Variants in ROPN1L observed in about 807,000 individuals in gnomAD.
ROPN1L encodes the protein rhophilin associated tail protein 1 like.
ROPN1L carries 23 observed loss-of-function variants against 22.7 expected under a neutral mutation model. That is an observed-to-expected ratio of 1.01 (90% confidence interval 0.73 to 1.43). The LOEUF is 1.43. ROPN1L is among the 40% of genes most tolerant of loss of function. The pLI, the probability that ROPN1L is intolerant of heterozygous loss-of-function variation, is 0.00. For synonymous variants in ROPN1L, 116 were observed against 117.8 expected (o/e 0.98, Z 0.10); for missense variants, 271 against 291.5 (o/e 0.93, Z 0.51).
chr5:10,452,291 GTGTGTGTGTGTGTGTGTGTGTGTC>G (rs1270437007), intron 3 of ROPN1L, among the ~76,000 whole-genome samples: 97 of 135,854 alleles, frequency 7.1e-4, no homozygotes, highest in Non-Finnish European at 1.2e-3. Flanking sequence ...AAGTATATGT[GTGTGTGTGTGTGTGTGTGTGTGTC>G]TGTGTGTGTG....
At chr5:10,452,240 G>A (rs1278940804) in intron 3 of ROPN1L, among the ~76,000 whole-genome samples, 2 of 151,030 alleles carry the variant, frequency 1.3e-5, no homozygotes, top group Non-Finnish European at 2.9e-5. Flanking sequence ...CTCAGGTTCT[G>A]GGATTATAGA....
intron 4 of ROPN1L, among the ~76,000 whole-genome samples, chr5:10,470,657 G>A (rs191185163): frequency 6.6e-6 from 1 of 152,322 alleles, no homozygotes; most frequent in East Asian, 1.9e-4. Flanking sequence ...GAGCCAGTTG[G>A]CCTGGGATAT....
At chr5:10,469,882 A>G (rs935845596), downstream of ROPN1L, among the ~76,000 whole-genome samples, 3 of 152,240 alleles carry the variant, frequency 2.0e-5, no homozygotes, top group Non-Finnish European at 4.4e-5. Context: ...GGCAGGGCCA[A>G]TGATTTGCTT....
In ROPN1L at chr5:10,464,966, T is replaced by C. The variant is rs1456666196; in HGVS notation, c.*19T>C. ...CCATTAATACAGAGAAGAATACATTTTAATGTCAAAATAGTGCTCTTTAAA... is the reference window on the plus strand; with the variant it reads ...CCATTAATACAGAGAAGAATACATTCTAATGTCAAAATAGTGCTCTTTAAA... On this transcript the variant is annotated 3_prime_UTR_variant, in exon 5 of 5. Transcript: ENST00000274134. The C allele has an allele frequency of 1.4e-6, 2 of 1,433,542 alleles. No homozygotes were observed. Among genetic ancestry groups the C allele is most frequent in the Non-Finnish European group, 1.9e-6 (2 of 1,038,722 alleles). The allele number at this position is 1,433,542 out of a possible 1,614,324, so 88.8% of individuals were successfully genotyped here.
At chr5:10,473,655 C>T (rs368253811), downstream of ROPN1L, among the ~76,000 whole-genome samples, 16 of 152,244 alleles carry the variant, frequency 1.1e-4, no homozygotes, top group East Asian at 2.3e-3. Context: ...AAACCAAGTC[C>T]AAAGGGGACA....
chr5:10,456,691 G>A (rs1004338103), intron 3 of ROPN1L, among the ~76,000 whole-genome samples: 6 of 152,190 alleles, frequency 3.9e-5, no homozygotes, highest in Admixed American at 6.5e-5. Context: ...AATGTGACTC[G>A]CAGCACAAGA....
chr5:10,443,721 G>A (rs539575141), intron 1 of ROPN1L, among the ~76,000 whole-genome samples: 1 of 152,164 alleles, frequency 6.6e-6, no homozygotes, highest in Admixed American at 6.5e-5. Flanking sequence ...GTGTTGACAG[G>A]GCTTTGCTCT....
intron 4 of ROPN1L, 70 bp downstream of exon 4, chr5:10,461,429 T>G: frequency 7.2e-7 from 1 of 1,386,892 alleles, no homozygotes; most frequent in South Asian, 1.3e-5. Flanking sequence ...ACTTCCCCCT[T>G]GTAGGGAAAA....
intron 4 of ROPN1L, among the ~76,000 whole-genome samples, chr5:10,463,188 G>A (rs146246741): frequency 2.0e-5 from 3 of 152,266 alleles, no homozygotes; most frequent in Non-Finnish European, 2.9e-5. Flanking sequence ...AGCTAACGTT[G>A]GAATATATTG....
chr5:10,481,436 C>T, the ROPN1L span, among the ~76,000 whole-genome samples: 26 of 152,272 alleles, frequency 1.7e-4, no homozygotes, highest in African/African-American at 6.3e-4. Context: ...TGGATAGTGG[C>T]CTGGAGTGTG....
the ROPN1L span, among the ~76,000 whole-genome samples, chr5:10,478,336 G>A: frequency 6.6e-6 from 1 of 152,192 alleles, no homozygotes; most frequent in Non-Finnish European, 1.5e-5. Flanking sequence ...GCTTCCTGGG[G>A]CTGCCCCGAC....
Position 10,450,234 on chromosome 5 carries a change from C to T in ROPN1L, c.417+121C>T, listed in dbSNP as rs1414155490. On this transcript the variant is annotated intron_variant, in intron 3 of 4. Transcript: ENST00000274134. ...TAACTTTGTCTTAGAAAAGCATTTC[C>T]CCCTGCTCCAGGCCTATTATATTAA... 4 of 736,548 alleles carry T rather than the reference C, an allele frequency of 5.4e-6. No homozygotes were observed. The East Asian group carries it at 8.6e-5, about 16-fold the overall frequency. The allele number at this position is 736,548 out of a possible 1,614,324, so 45.6% of individuals were successfully genotyped here.
intron 1 of ROPN1L, among the ~76,000 whole-genome samples, chr5:10,445,444 GA>G (rs1295974360): frequency 6.6e-6 from 1 of 152,192 alleles, no homozygotes; most frequent in African/African-American, 2.4e-5. Flanking sequence ...GAAGGGTCAC[GA>G]AAGTTAAGCA....
At chr5:10,449,901 T>C (rs1191767750) in intron 2 of ROPN1L, 51 bp from the exon 3 acceptor site, 1 of 1,514,854 alleles carries the variant, frequency 6.6e-7, no homozygotes, top group Non-Finnish European at 9.1e-7. Context: ...CATTCATTGT[T>C]TCCCAGGTTT....
downstream of ROPN1L, among the ~76,000 whole-genome samples, chr5:10,469,078 CTGGG>C (rs1276596986): frequency 3.9e-5 from 6 of 152,154 alleles, no homozygotes; most frequent in Non-Finnish European, 8.8e-5. Context: ...TGGCGTGAAC[CTGGG>C]AGGCGGAGCT....
chr5:10,472,258 A>G (rs1735258161), downstream of ROPN1L, among the ~76,000 whole-genome samples: 1 of 151,542 alleles, frequency 6.6e-6, no homozygotes, highest in South Asian at 2.1e-4. Flanking sequence ...CCACCCATCA[A>G]CCATGCATTT....
At chr5:10,444,286 G>GTTTA (rs531122536) in intron 1 of ROPN1L, among the ~76,000 whole-genome samples, 1 of 151,982 alleles carries the variant, frequency 6.6e-6, no homozygotes. Context: ...GCTTCACTTT[G>GTTTA]TTTATTTATT....
At chr5:10,451,791 G>A (rs757174955) in intron 3 of ROPN1L, among the ~76,000 whole-genome samples, 6 of 152,222 alleles carry the variant, frequency 3.9e-5, no homozygotes, top group Non-Finnish European at 7.3e-5. Context: ...TGGCAGGCAT[G>A]GTACCCTCCA....
chr5:10,474,643 C>T (rs1735295317), downstream of ROPN1L, among the ~76,000 whole-genome samples: 1 of 152,256 alleles, frequency 6.6e-6, no homozygotes, highest in Non-Finnish European at 1.5e-5. Context: ...AGGTTTCTTG[C>T]CAGGTGAACA....
Sources: allele counts gnomAD v4.1 joint callset (sites outside exome capture counted in the v4.1 genomes callset), GRCh38; gene constraint gnomAD v4.1.1; transcripts MANE v1.5; gene names NCBI Gene and HGNC (gene_info 2026-07-23, HGNC 2026-07-21).